Variants in ARHGEF3 observed in about 807,000 individuals in gnomAD.
ARHGEF3 encodes the protein Rho guanine nucleotide exchange factor 3.
A neutral mutation model predicts 63.2 loss-of-function variants in ARHGEF3; 28 were observed. The observed-to-expected ratio is 0.44, with a 90% confidence interval of 0.33 to 0.61. The LOEUF (loss-of-function observed/expected upper bound fraction) is 0.61, where lower values mean the gene tolerates loss of function less well. ARHGEF3 is among the 20% of genes least tolerant of loss of function. The probability of loss-of-function intolerance (pLI) is 0.03; values close to 1 mark genes in which losing one functional copy is unlikely to be tolerated. For missense variants in ARHGEF3, 533 were observed against 659.3 expected, an observed-to-expected ratio of 0.81 and a Z score of 2.10; for synonymous variants, 266 against 254.2, an observed-to-expected ratio of 1.05 and a Z score of -0.44.
rs895345742 is a variant in ARHGEF3 at position 57,017,040 on chromosome 3, A to T, written c.62+18048T>A. Among the ~76,000 whole-genome samples, 76 of 144,660 alleles carry T rather than the reference A, an allele frequency of 5.3e-4. 1 individual carries two copies. The highest frequency in any genetic ancestry group is 1.9e-3 in the African/African-American group (69 of 35,756). 94.9% of individuals were successfully genotyped at this position (144,660 alleles called of 152,430 possible). A position where few individuals can be genotyped will look rare whatever the true frequency, so the allele number is the denominator to read the frequency against. On this transcript the variant is annotated intron_variant, in intron 2 of 12. Transcript: ENST00000338458. Reference sequence around the variant, plus strand: ...CTCTCTCTCTCTCTCTCTCACACACACACACACACACACACACACACACAC... The same window carrying T: ...CTCTCTCTCTCTCTCTCTCACACACTCACACACACACACACACACACACAC...
At position 56,955,180 on chromosome 3, in the gene ARHGEF3, T is replaced by C. The variant is rs867131459; in HGVS notation, c.129+3643A>G. On this transcript the variant is annotated intron_variant, in intron 3 of 12. Coordinates refer to the ARHGEF3 transcript ENST00000338458. ...TTGGTGAACAAACACTGATCCTTTT[T>C]CTTTTTTTTTTTTTTCTTTTCTTTT... 6.8e-5 allele frequency among the ~76,000 whole-genome samples: 9 copies of C among 131,396 alleles called. No individual in the cohort carries two copies. In the South Asian group the frequency reaches 2.1e-3, roughly 31 times the overall value. The allele number at this position is 131,396 out of a possible 152,430, so 86.2% of individuals were successfully genotyped here.
intron 7 of ARHGEF3, among the ~76,000 whole-genome samples, chr3:56,740,543 T>C (rs2033945055): frequency 6.6e-6 from 1 of 152,214 alleles, no homozygotes; most frequent in Non-Finnish European, 1.5e-5. Context: ...ATCCTTCAAA[T>C]TACTTTAACT....
intron 2 of ARHGEF3, among the ~76,000 whole-genome samples, chr3:56,984,103 C>T (rs1340081478): frequency 1.3e-5 from 2 of 152,092 alleles, no homozygotes; most frequent in Admixed American, 1.3e-4. Flanking sequence ...TCCAGCCTCC[C>T]ATTGTGGATA....
intron 1 of ARHGEF3, among the ~76,000 whole-genome samples, chr3:57,038,402 G>C (rs1704048044): frequency 6.6e-6 from 1 of 152,104 alleles, no homozygotes; most frequent in African/African-American, 2.4e-5. Flanking sequence ...TCAAGGTTGA[G>C]TGTTCAGCCC....
At chr3:56,924,233 C>G (rs989918132) in intron 3 of ARHGEF3, among the ~76,000 whole-genome samples, 1 of 152,220 alleles carries the variant, frequency 6.6e-6, no homozygotes, top group African/African-American at 2.4e-5. Context: ...CCTAGCCTCT[C>G]ATCACATTGA....
intron 2 of ARHGEF3, among the ~76,000 whole-genome samples, chr3:56,978,856 A>G (rs1279983714): frequency 6.6e-6 from 1 of 152,206 alleles, no homozygotes; most frequent in African/African-American, 2.4e-5. Flanking sequence ...GGAACCAGTT[A>G]TTAAGAAAGC....
intron 2 of ARHGEF3, among the ~76,000 whole-genome samples, chr3:57,001,761 T>C (rs1314513589): frequency 6.6e-6 from 1 of 152,196 alleles, no homozygotes; most frequent in Non-Finnish European, 1.5e-5. Context: ...AGGCTTGAAC[T>C]GTAGCCAACT....
intron 2 of ARHGEF3, among the ~76,000 whole-genome samples, chr3:56,770,544 C>A (rs1320680871): frequency 6.6e-6 from 1 of 152,080 alleles, no homozygotes; most frequent in Non-Finnish European, 1.5e-5. Context: ...GGAAATAATG[C>A]CATAGAAGTT....
intron 1 of ARHGEF3, among the ~76,000 whole-genome samples, chr3:57,070,521 T>C (rs1335403559): frequency 6.6e-6 from 1 of 152,152 alleles, no homozygotes; most frequent in Non-Finnish European, 1.5e-5. Context: ...GTTCCACAGT[T>C]AATATTGTTA....
intron 7 of ARHGEF3, among the ~76,000 whole-genome samples, chr3:56,743,920 G>T (rs2034207957): frequency 6.6e-6 from 1 of 151,970 alleles, no homozygotes; most frequent in African/African-American, 2.4e-5. Flanking sequence ...CCAAGAGTAT[G>T]TGTCCAAGGT....
intron 2 of ARHGEF3, among the ~76,000 whole-genome samples, chr3:57,014,879 G>C (rs966530352): frequency 6.6e-6 from 1 of 151,952 alleles, no homozygotes; most frequent in African/African-American, 2.4e-5. Context: ...TAGTCACGGG[G>C]TTTCACCGTG....
chr3:56,955,928 T>C (rs958911795), intron 3 of ARHGEF3, among the ~76,000 whole-genome samples: 4 of 152,260 alleles, frequency 2.6e-5, no homozygotes, highest in African/African-American at 9.6e-5. Flanking sequence ...AGATCAGTTT[T>C]GGCCAAGGAG....
chr3:56,801,469 G>A (rs767590234), intron 1 of ARHGEF3, among the ~76,000 whole-genome samples: 3 of 152,246 alleles, frequency 2.0e-5, no homozygotes, highest in Non-Finnish European at 4.4e-5. Context: ...AGAGGAGGCA[G>A]CTAGTGCTTG....
intron 2 of ARHGEF3, among the ~76,000 whole-genome samples, chr3:56,764,756 ATT>A (rs199973461): frequency 0.012 from 1,676 of 142,208 alleles, 31 homozygotes; most frequent in African/African-American, 0.04. Context: ...TAGTCAACAA[ATT>A]TTTTTTTTTT....
intron 2 of ARHGEF3, among the ~76,000 whole-genome samples, chr3:57,022,826 C>T (rs943438036): frequency 4.2e-5 from 5 of 118,892 alleles, no homozygotes; most frequent in African/African-American, 7.7e-5. Context: ...CACGTATGAC[C>T]GTCTCATCAC....
At chr3:57,055,624 G>A (rs1303753536) in intron 1 of ARHGEF3, among the ~76,000 whole-genome samples, 2 of 152,136 alleles carry the variant, frequency 1.3e-5, no homozygotes, top group Non-Finnish European at 2.9e-5. Flanking sequence ...GTAGAAGTGA[G>A]GTAGGATATA....
In ARHGEF3 at chr3:56,867,763, G is replaced by A. The variant is rs559614630; in HGVS notation, c.192+14529C>T. Among the ~76,000 whole-genome samples, 112 of 152,280 alleles carry A rather than the reference G, an allele frequency of 7.4e-4. No individual in the cohort carries two copies. In the South Asian group the frequency reaches 0.012, roughly 16 times the overall value. On this transcript the variant is annotated intron_variant, in intron 4 of 12. Coordinates refer to the ARHGEF3 transcript ENST00000338458. ...TGGAATTACAAGTGTAAGCTACCGC[G>A]CCTGGCCTGGAAATGCTATTTCACA...
intron 3 of ARHGEF3, chr3:56,940,512 T>TGAGC (rs973656157): frequency 1.1e-3 from 173 of 152,320 alleles, no homozygotes; most frequent in African/African-American, 4.1e-3. Flanking sequence ...AATCTAAGAA[T>TGAGC]GAGCTCCAAT....
intron 1 of ARHGEF3, chr3:57,074,379 T>C (rs746720082): frequency 1.4e-5 from 12 of 886,446 alleles, no homozygotes; most frequent in Non-Finnish European, 2.1e-5. Flanking sequence ...CTCGTAGCCA[T>C]CCCTTTCTGC....
Sources: gnomAD v4.1 joint callset for allele counts (sites outside exome capture counted in the v4.1 genomes callset) on GRCh38, gnomAD v4.1.1 for gene constraint, MANE v1.5 for transcripts, NCBI Gene and HGNC (gene_info 2026-07-23, HGNC 2026-07-21) for gene names.